The following DNM1 variants were observed in gnomAD, a reference collection of about 807,000 sequenced individuals.
The protein encoded by DNM1 is dynamin-1.
DNM1 carries 29 observed loss-of-function variants against 104.6 expected under a neutral mutation model. The ratio of observed to expected loss-of-function variants is 0.28; its 90% CI spans 0.21 to 0.38. DNM1 has a LOEUF of 0.38. Ranked by LOEUF, DNM1 falls within the 10% of genes least tolerant of loss-of-function variation. DNM1 has a pLI of 1.00. For synonymous variants in DNM1, 445 were observed against 475.8 expected (o/e 0.94, Z 0.84); for missense variants, 640 against 1,189.4 (o/e 0.54, Z 6.79).
intron 10 of DNM1, among the ~76,000 whole-genome samples, chr9:128,226,730 G>A (rs7028890): frequency 4.0e-4 from 61 of 152,310 alleles, no homozygotes; most frequent in African/African-American, 1.4e-3. Flanking sequence ...GAGAGACAGG[G>A]GCGGTCTCTT....
At chr9:128,244,252 G>A (rs530944407) in intron 15 of DNM1, among the ~76,000 whole-genome samples, 3 of 152,012 alleles carry the variant, frequency 2.0e-5, no homozygotes, top group East Asian at 3.9e-4. Context: ...GTATGGGTGT[G>A]TGTGCATGCA....
chr9:128,253,152 C>CA lies in DNM1; in HGVS notation c.2535-1501dup. On this transcript the variant is annotated intron_variant, in intron 21 of 21. Transcript: ENST00000372923. The surrounding 1 kb of genome is among the most constrained non-coding windows in gnomAD (Gnocchi z 5.9). Reference sequence around the variant, plus strand: ...CGTCAGCCATGGTAGGTACATGCCTCACCGCCTGCTGCATGAACGGTGTGT... The same window carrying CA: ...CGTCAGCCATGGTAGGTACATGCCTCAACCGCCTGCTGCATGAACGGTGTGT... 1 of 1,602,536 alleles carries CA rather than the reference C, an allele frequency of 6.2e-7. No homozygotes were observed. The highest frequency in any genetic ancestry group is 8.5e-7 in the Non-Finnish European group (1 of 1,179,578).
Position 128,218,586 on chromosome 9 carries a change from T to C in DNM1, c.240T>C (p.Tyr80=), listed in dbSNP as rs755876400. Residue 80 remains tyrosine, a synonymous_variant, in exon 3 of 22, where the codon TAT becomes TAC. Transcript: ENST00000372923. This position sits in a 1 kb window ranked among gnomAD's most constrained non-coding sequence, Gnocchi z 4.8. ...CCCTGCCCGCTTCTGGAGCAGAATA[T>C]GCCGAGTTCCTGCACTGCAAGGGAA... is the stretch of plus-strand genomic sequence containing the variant. ...VLQLVNATTE[Y]AEFLHCKGKK... 1 of 1,610,286 alleles carries C rather than the reference T, an allele frequency of 6.2e-7. No individual in the cohort carries two copies. Among genetic ancestry groups the C allele is most frequent in the South Asian group, 1.1e-5 (1 of 90,902 alleles).
At chr9:128,238,612 A>T (rs956835462) in intron 11 of DNM1, among the ~76,000 whole-genome samples, 1 of 151,832 alleles carries the variant, frequency 6.6e-6, no homozygotes, top group Non-Finnish European at 1.5e-5. Flanking sequence ...TTCTTCTATG[A>T]ATTATTCATC....
rs1421535872 is a variant in DNM1, at chr9:128,243,523, C to T, written c.1671+1178C>T. ...GGGAGGGGCCCTCTGTCGTCACTGG[C>T]GGGGGCGCCAAGCCATCTGGACCTC... On this transcript the variant is annotated intron_variant, in intron 15 of 21. Transcript: ENST00000372923. The surrounding 1 kb of genome is among the most constrained non-coding windows in gnomAD (Gnocchi z 4.0). Among the ~76,000 whole-genome samples the T allele has an allele frequency of 7.2e-5, 11 of 152,208 alleles. No homozygotes were observed. The highest frequency in any genetic ancestry group is 3.9e-4 in the East Asian group (2 of 5,190).
chr9:128,237,521 G>A (rs1244242782), intron 11 of DNM1, among the ~76,000 whole-genome samples: 2 of 151,868 alleles, frequency 1.3e-5, no homozygotes, highest in East Asian at 1.9e-4. Flanking sequence ...TACCTGCCTC[G>A]GCCTCCCAAA....
chr9:128,223,001 C>A, intron 9 of DNM1, 141 bp downstream of exon 9: 1 of 821,816 alleles, frequency 1.2e-6, no homozygotes, highest in Admixed American at 2.4e-5. Flanking sequence ...AACTTTCTGG[C>A]TCCCTGCATG....
At chr9:128,250,045 G>A (rs931284816) in intron 19 of DNM1, 70 bp from the exon 20 acceptor site, 1 of 1,610,696 alleles carries the variant, frequency 6.2e-7, no homozygotes, top group Non-Finnish European at 8.5e-7. Context: ...GTCCCAGCAG[G>A]GCCCGGTGGG....
At chr9:128,225,249 A>G (rs1835271155) in intron 10 of DNM1, among the ~76,000 whole-genome samples, 1 of 151,848 alleles carries the variant, frequency 6.6e-6, no homozygotes, top group African/African-American at 2.4e-5. Context: ...GCCCCTCTCT[A>G]TCACTACCTC....
intron 10 of DNM1, 113 bp from the exon 11 acceptor site, chr9:128,233,908 A>C: frequency 1.1e-6 from 1 of 938,814 alleles, no homozygotes; most frequent in Non-Finnish European, 1.7e-6. Context: ...CGTTGTGGGC[A>C]TTCTGTGTGT....
Position 128,218,117 on chromosome 9 carries a change from T to G in DNM1, c.162-114T>G, listed in dbSNP as rs559519654. On this transcript the variant is annotated intron_variant, in intron 1 of 21. Coordinates refer to ENST00000372923, the MANE Select transcript of DNM1 (RefSeq NM_004408.4). The surrounding 1 kb of genome is among the most constrained non-coding windows in gnomAD (Gnocchi z 4.8). ...CTGAAGCCCCTGGGCTAAGGAGCGG[T>G]GGAGCCAGCACTTTGGAAGGAGCTT... 2 of 969,754 alleles carry G rather than the reference T, an allele frequency of 2.1e-6. No individual in the cohort carries two copies. The highest frequency in any genetic ancestry group is 2.4e-5 in the East Asian group (1 of 41,708). The allele number at this position is 969,754 out of a possible 1,614,324, so 60.1% of individuals were successfully genotyped here. A position where few individuals can be genotyped will look rare whatever the true frequency, so the allele number is the denominator to read the frequency against.
Position 128,219,131 on chromosome 9 carries a change from C to T in DNM1, c.468C>T (p.Ile156=). The change falls in exon 4 of 22, where the codon ATC becomes ATT. Residue 156 remains isoleucine, a synonymous_variant. Coordinates refer to ENST00000372923, the MANE Select transcript of DNM1 (RefSeq NM_004408.4). ...AACCTCCCGACATCGAGTTCCAGAT[C>T]CGAGACATGCTTATGCAGTTTGTCA... is the stretch of plus-strand genomic sequence containing the variant. The part of the protein sequence containing the change: ...GDQPPDIEFQ[I]RDMLMQFVTK... 8 of 1,614,192 alleles carry T rather than the reference C, an allele frequency of 5.0e-6. No homozygotes were observed. The highest frequency in any genetic ancestry group is 6.8e-6 in the Non-Finnish European group (8 of 1,180,044).
rs1417847541 is a variant in DNM1 at position 128,220,988 on chromosome 9, T to TCC, written c.849+648_849+649insCC. ...CTTTCTTTCTTTCTCTTTCTTTCTT[T>TCC]CTTTCCCTTCCTTCCTTCCTTCCTT... On this transcript the variant is annotated intron_variant, in intron 6 of 21. Coordinates refer to ENST00000372923, the MANE Select transcript of DNM1 (RefSeq NM_004408.4). This position sits in a 1 kb window ranked among gnomAD's most constrained non-coding sequence, Gnocchi z 5.2. 5.1e-4 allele frequency: 68 copies of TCC among 133,898 alleles called. No homozygotes were observed. The highest frequency in any genetic ancestry group is 1.8e-3 in the African/African-American group (56 of 31,166). 8.3% of individuals were successfully genotyped at this position (133,898 alleles called of 1,614,324 possible).
rs2131175513 is a variant in DNM1 at position 128,222,931 on chromosome 9, G to A, written c.1196+71G>A. 1 of 1,426,582 alleles carries A rather than the reference G, an allele frequency of 7.0e-7. No individual in the cohort carries two copies. Among genetic ancestry groups the A allele is most frequent in the South Asian group, 1.2e-5 (1 of 86,894 alleles). The allele number at this position is 1,426,582 out of a possible 1,614,324, so 88.4% of individuals were successfully genotyped here. A position where few individuals can be genotyped will look rare whatever the true frequency, so the allele number is the denominator to read the frequency against. ...GGTCTGGGACAGAGGCACAGGGAGT[G>A]ATGAAGTGGGCCTCCCTCAGGAAGG... On this transcript the variant is annotated intron_variant, in intron 9 of 21. Coordinates refer to ENST00000372923, the MANE Select transcript of DNM1 (RefSeq NM_004408.4). This position sits in a 1 kb window ranked among gnomAD's most constrained non-coding sequence, Gnocchi z 7.8.
In DNM1 at chr9:128,242,229, C is replaced by T. The variant is rs546517702; in HGVS notation, c.1558-3C>T. The T allele has an allele frequency of 5.7e-6, 9 of 1,572,514 alleles. No homozygotes were observed. The highest frequency in any genetic ancestry group is 1.7e-4 in the Middle Eastern group (1 of 5,982). ...ACTGACCTCCTGCCCCATCACCCTC[C>T]AGGTCATCCGCAAGGGCTGGCTGAC... On this transcript the variant is annotated splice_polypyrimidine_tract_variant and splice_region_variant and intron_variant, in intron 14 of 21. Transcript: ENST00000372923.
chr9:128,235,799 C>T (rs986882705), intron 11 of DNM1, among the ~76,000 whole-genome samples: 11 of 152,124 alleles, frequency 7.2e-5, no homozygotes, highest in African/African-American at 2.7e-4. Flanking sequence ...ACTGAAGACT[C>T]GACCTCCCAG....
Position 128,220,281 on chromosome 9 carries a change from A to G in DNM1, c.789A>G (p.Pro263=), listed in dbSNP as rs768174959. ...AACGAAAGTTCTTCCTCTCCCATCC[A>G]TCTTATCGCCACTTGGCTGACCGTA... ...AAERKFFLSH[P]SYRHLADRMG... is the part of the protein sequence containing the mutation. Residue 263 remains proline (P), a synonymous_variant, in exon 6 of 22, where the codon CCA becomes CCG. Coordinates refer to ENST00000372923, the MANE Select transcript of DNM1 (RefSeq NM_004408.4). This position sits in a 1 kb window ranked among gnomAD's most constrained non-coding sequence, Gnocchi z 5.2. 7 of 1,614,210 alleles carry G rather than the reference A, an allele frequency of 4.3e-6. No homozygotes were observed. In the South Asian group the frequency reaches 5.5e-5, roughly 13 times the overall value.
chr9:128,205,645 G>A (rs1016375443), intron 1 of DNM1, among the ~76,000 whole-genome samples: 1 of 152,202 alleles, frequency 6.6e-6, no homozygotes, highest in African/African-American at 2.4e-5. Context: ...GCTGACAGCC[G>A]CTGCCCTGCC....
intron 1 of DNM1, among the ~76,000 whole-genome samples, chr9:128,206,635 C>T (rs903226994): frequency 2.6e-5 from 4 of 151,892 alleles, no homozygotes; most frequent in African/African-American, 9.7e-5. Flanking sequence ...TTGCCAGGGG[C>T]GGGAGAGTTC....
Sources: allele counts gnomAD v4.1 joint callset (sites outside exome capture counted in the v4.1 genomes callset), GRCh38; gene constraint gnomAD v4.1.1; non-coding constraint Gnocchi (gnomAD v3.1); transcripts MANE v1.5; gene names NCBI Gene and HGNC (gene_info 2026-07-23, HGNC 2026-07-21).